Variants in MASP1 observed in about 807,000 individuals in gnomAD.
The protein encoded by MASP1 is mannan-binding lectin serine protease 1.
MASP1 carries 59 observed loss-of-function variants against 77.1 expected under a neutral mutation model. The ratio of observed to expected loss-of-function variants is 0.77; its 90% confidence interval spans 0.62 to 0.95. The LOEUF (loss-of-function observed/expected upper bound fraction) is 0.95. Among genes scored for constraint, MASP1 ranks in the 40% least tolerant of loss-of-function variants. MASP1 has a pLI of 0.00. For missense variants in MASP1, 885 were observed against 912.9 expected, an observed-to-expected ratio of 0.97 and a Z score of 0.39; for synonymous variants, 362 against 354.5, an observed-to-expected ratio of 1.02 and a Z score of -0.24.
chr3:187,245,584 G>A (rs1037716412), intron 8 of MASP1, among the ~76,000 whole-genome samples: 4 of 152,130 alleles, frequency 2.6e-5, no homozygotes, highest in African/African-American at 9.7e-5. Flanking sequence ...CAAGTCCACA[G>A]TGGCAGGGAA....
chr3:187,235,488 A>C lies in MASP1; in HGVS notation c.*196T>G. On this transcript the variant is annotated 3_prime_UTR_variant, in exon 11 of 11. Transcript: ENST00000296280. ...AAGAGACTTGGACAAGCTCAGGAACACAGGTCTCCTGCCTGGAGCCTTTTC... is the reference window on the plus strand; with the variant it reads ...AAGAGACTTGGACAAGCTCAGGAACCCAGGTCTCCTGCCTGGAGCCTTTTC... 6.6e-7 allele frequency: 1 copy of C among 1,525,856 alleles called. No individual in the cohort carries two copies. The highest frequency in any genetic ancestry group is 8.8e-7 in the Non-Finnish European group (1 of 1,141,854). The allele number at this position is 1,525,856 out of a possible 1,614,324, so 94.5% of individuals were successfully genotyped here.
chr3:187,242,205 C>T (rs1235480871), intron 9 of MASP1: 1 of 152,622 alleles, frequency 6.6e-6, no homozygotes, highest in Non-Finnish European at 1.5e-5. Context: ...TGTAACTCTT[C>T]CCTCTTTTAA....
rs569347897 is a variant in MASP1, at chr3:187,247,576, T to C, written c.1090+2675A>G. ...GCCAGTGTGAAGAACAGTTTGGGATTGTGGAATTTGTATCGTTCTGAGAAT... is the reference window on the plus strand; with the variant it reads ...GCCAGTGTGAAGAACAGTTTGGGATCGTGGAATTTGTATCGTTCTGAGAAT... On this transcript the variant is annotated intron_variant, in intron 8 of 10. Transcript: ENST00000296280. 5.3e-5 allele frequency among the ~76,000 whole-genome samples: 8 copies of C among 152,328 alleles called. No homozygotes were observed. In the East Asian group the frequency reaches 1.5e-3, roughly 29 times the overall value.
chr3:187,251,487 C>T lies in MASP1; in HGVS notation c.1011+147G>A, dbSNP rs1714588013. 4 of 705,536 alleles carry T rather than the reference C, an allele frequency of 5.7e-6. No homozygotes were observed. In the East Asian group the frequency reaches 1.1e-4, roughly 19 times the overall value. 43.7% of individuals were successfully genotyped at this position (705,536 alleles called of 1,614,324 possible). ...GCCTGGGACGCATGCTTTGGAATTT[C>T]TGGAGCATTTGAGAAGTTGATGGGC... On this transcript the variant is annotated intron_variant, in intron 7 of 10. Transcript: ENST00000296280.
At chr3:187,262,461 T>C (rs185264267) in intron 3 of MASP1, 82 bp downstream of exon 3, 122 of 1,369,340 alleles carry the variant, frequency 8.9e-5, no homozygotes, top group East Asian at 3.7e-4. Context: ...CAGATTTCCA[T>C]CGTAAAGGAG....
intron 12 of MASP1, chr3:187,225,525 A>G: frequency 6.2e-7 from 1 of 1,613,878 alleles, no homozygotes; most frequent in Non-Finnish European, 8.5e-7. Context: ...CAAGAAGAAG[A>G]CATGTGAGGC....
intron 7 of MASP1, among the ~76,000 whole-genome samples, chr3:187,251,076 A>C (rs1714534889): frequency 6.6e-6 from 1 of 152,194 alleles, no homozygotes; most frequent in African/African-American, 2.4e-5. Context: ...CTCCTGCCTC[A>C]GCCTCCCAAG....
In MASP1 at chr3:187,243,393, C is replaced by T. The variant is rs950248482; in HGVS notation, c.1228+91G>A. The T allele has an allele frequency of 5.2e-6, 7 of 1,348,516 alleles. No homozygotes were observed. The African/African-American group carries it at 8.6e-5, about 17-fold the overall frequency. The allele number at this position is 1,348,516 out of a possible 1,614,324, so 83.5% of individuals were successfully genotyped here. On this transcript the variant is annotated intron_variant, in intron 9 of 10. Coordinates refer to ENST00000296280, the MANE Select transcript of MASP1 (RefSeq NM_139125.4). ...AGGCTCTACACACTTATGAGCAGTT[C>T]TTCCTTTCACAGCTGTCTCGGCCCC...
At chr3:187,232,698 A>G (rs1218947730), downstream of MASP1, among the ~76,000 whole-genome samples, 1 of 152,162 alleles carries the variant, frequency 6.6e-6, no homozygotes, top group Non-Finnish European at 1.5e-5. Flanking sequence ...ATGTACCTCA[A>G]TATGTCACAA....
chr3:187,259,201 A>G (rs371281869), intron 4 of MASP1, among the ~76,000 whole-genome samples: 3 of 152,090 alleles, frequency 2.0e-5, no homozygotes, highest in Admixed American at 6.5e-5. Context: ...CAATGTTTCT[A>G]CGCCCTTGTT....
At chr3:187,277,406 G>C (rs1188976781) in intron 2 of MASP1, among the ~76,000 whole-genome samples, 1 of 152,104 alleles carries the variant, frequency 6.6e-6, no homozygotes, top group Non-Finnish European at 1.5e-5. Flanking sequence ...CTGTAGTTCA[G>C]ACTCCATTTT....
At chr3:187,221,138 G>T in intron 14 of MASP1, 1 of 1,611,086 alleles carries the variant, frequency 6.2e-7, no homozygotes, top group Non-Finnish European at 8.5e-7. Context: ...TTTCAATCTA[G>T]AACACAAAGC....
intron 11 of MASP1, among the ~76,000 whole-genome samples, chr3:187,228,191 G>A (rs1000791020): frequency 2.0e-5 from 3 of 151,728 alleles, no homozygotes; most frequent in Middle Eastern, 6.8e-3. Context: ...GGAGGCTGAG[G>A]CAGGAGAATG....
At chr3:187,225,180 A>G in intron 13 of MASP1, 1 of 895,178 alleles carries the variant, frequency 1.1e-6, no homozygotes. Flanking sequence ...CCCAGTTCTG[A>G]CTTGGCTGTT....
intron 2 of MASP1, among the ~76,000 whole-genome samples, chr3:187,264,947 C>T (rs1218663081): frequency 6.6e-6 from 1 of 151,986 alleles, no homozygotes; most frequent in Non-Finnish European, 1.5e-5. Context: ...GGTCCTGGGT[C>T]CTGTTCCTGA....
chr3:187,271,049 T>G (rs1716478292), intron 2 of MASP1, among the ~76,000 whole-genome samples: 1 of 152,204 alleles, frequency 6.6e-6, no homozygotes, highest in African/African-American at 2.4e-5. Flanking sequence ...TTATAGCAAG[T>G]AAGAAAGTGA....
At chr3:187,230,840 C>A (rs1000300546), downstream of MASP1, among the ~76,000 whole-genome samples, 1 of 152,224 alleles carries the variant, frequency 6.6e-6, no homozygotes, top group East Asian at 1.9e-4. Flanking sequence ...TCTCCTGACT[C>A]CCAATTCTGG....
At chr3:187,268,201 G>A (rs1716203731) in intron 2 of MASP1, among the ~76,000 whole-genome samples, 1 of 152,174 alleles carries the variant, frequency 6.6e-6, no homozygotes, top group Admixed American at 6.6e-5. Flanking sequence ...TATGTAATGG[G>A]CAAGGTGTGA....
In MASP1 at chr3:187,236,510, C is replaced by T. The variant is rs147966392; in HGVS notation, c.1361G>A (p.Arg454Gln). The T allele has an allele frequency of 1.3e-4, 205 of 1,613,996 alleles. No homozygotes were observed. The highest frequency in any genetic ancestry group is 1.6e-4 in the Non-Finnish European group (193 of 1,179,982). ...CGGGAAGAGGCCAGGCTCAGCATTT[C>T]GGCCCCCAATGATCCTCTTGACCAG... ...PSLVKRIIGG[R>Q]NAEPGLFPWQ... is the part of the protein sequence containing the mutation. The change falls in exon 11 of 11, where the codon CGA (arginine) becomes CAA (glutamine). Residue 454 changes from arginine (R) to glutamine (Q), a missense_variant. Arg to Gln is a conservative substitution (Grantham distance 43, BLOSUM62 1). Coordinates refer to ENST00000296280, the MANE Select transcript of MASP1 (RefSeq NM_139125.4).
Sources: allele counts gnomAD v4.1 joint callset (sites outside exome capture counted in the v4.1 genomes callset), GRCh38; gene constraint gnomAD v4.1.1; transcripts MANE v1.5; gene names NCBI Gene and HGNC (gene_info 2026-07-23, HGNC 2026-07-21).